Variants in TENM1 observed in about 807,000 individuals in gnomAD.
TENM1 encodes the protein teneurin-1.
In TENM1, 35 loss-of-function variants were observed where a neutral mutation model predicts 174.8. The ratio of observed to expected loss-of-function variants is 0.20; its 90% CI spans 0.15 to 0.27. The LOEUF is 0.27. Among genes scored for constraint, TENM1 ranks in the 10% least tolerant of loss-of-function variants. The probability of loss-of-function intolerance (pLI) is 1.00; values close to 1 mark genes in which losing one functional copy is unlikely to be tolerated. For synonymous variants in TENM1, 781 were observed against 798.7 expected (o/e 0.98, Z 0.37); for missense variants, 1,633 against 2,130.1 (o/e 0.77, Z 4.59).
At chrX:124,853,245 G>A (rs1038485683) in intron 3 of TENM1, among the ~76,000 whole-genome samples, 1 of 111,626 alleles carries the variant, frequency 9.0e-6, no homozygotes, top group African/African-American at 3.2e-5. Context: ...AGTATCTGAA[G>A]CTGTGATTTT....
chrX:124,749,178 T>C (rs2054005644), intron 3 of TENM1, among the ~76,000 whole-genome samples: 1 of 111,668 alleles, frequency 9.0e-6, no homozygotes, highest in African/African-American at 3.3e-5. Flanking sequence ...TCTTTTCCTC[T>C]TCCTCCAAGC....
intron 4 of TENM1, among the ~76,000 whole-genome samples, chrX:124,722,187 C>T (rs868682899): frequency 7.1e-5 from 8 of 112,116 alleles, no homozygotes; most frequent in Middle Eastern, 4.6e-3. Flanking sequence ...AGAAGAAATT[C>T]AATTTACTTA....
rs5958514 is a variant in TENM1 at position 124,543,661 on chromosome X, G to A, written c.2651+3213C>T. Among the ~76,000 whole-genome samples the A allele has an allele frequency of 9.4e-3, 1,050 of 112,161 alleles. 10 individuals carry two copies. Among genetic ancestry groups the A allele is most frequent in the African/African-American group, 0.032 (973 of 30,874 alleles). On this transcript the variant is annotated intron_variant, in intron 15 of 31. Transcript: ENST00000422452. ...AAAAGTAATAAGTCGTACAGGGCTCGTAGAATATGTGGTTTACTTTGCAGT... is the reference window on the plus strand; with the variant it reads ...AAAAGTAATAAGTCGTACAGGGCTCATAGAATATGTGGTTTACTTTGCAGT...
At chrX:124,383,304 G>C (rs2060181562) in intron 30 of TENM1, among the ~76,000 whole-genome samples, 1 of 111,488 alleles carries the variant, frequency 9.0e-6, no homozygotes, top group Admixed American at 9.6e-5. Context: ...ACAGGGTAGA[G>C]TGTTGATTTG....
At chrX:125,188,853 T>A in the TENM1 span, among the ~76,000 whole-genome samples, 1 of 112,210 alleles carries the variant, frequency 8.9e-6, no homozygotes, top group South Asian at 3.7e-4. Context: ...AAAGACGTAG[T>A]TCTGCTCAGA....
chrX:125,030,147 A>T, the TENM1 span, among the ~76,000 whole-genome samples: 1 of 112,101 alleles, frequency 8.9e-6, no homozygotes, highest in Non-Finnish European at 1.9e-5. Flanking sequence ...TAATGTTTTG[A>T]GAGTTCACAG....
chrX:124,885,749 C>CA (rs1333201781), intron 3 of TENM1, among the ~76,000 whole-genome samples: 4 of 110,566 alleles, frequency 3.6e-5, no homozygotes, highest in Non-Finnish European at 7.6e-5. Context: ...ACTTTTATAA[C>CA]AAAAAAACTA....
the TENM1 span, among the ~76,000 whole-genome samples, chrX:125,187,586 T>C: frequency 7.1e-5 from 8 of 112,057 alleles, no homozygotes; most frequent in South Asian, 3.0e-3. Context: ...TGTTAGATGT[T>C]AATGATCACT....
At chrX:124,722,832 T>C (rs1603069696) in intron 4 of TENM1, among the ~76,000 whole-genome samples, 1 of 66,928 alleles carries the variant, frequency 1.5e-5, no homozygotes, top group Admixed American at 2.2e-4. Flanking sequence ...AGAGAGAGAC[T>C]CCGTCTCAAA....
upstream of TENM1, among the ~76,000 whole-genome samples, chrX:124,967,912 G>C (rs2147832793): frequency 8.9e-6 from 1 of 111,901 alleles, no homozygotes; most frequent in East Asian, 2.8e-4. Flanking sequence ...GTGGCTGTGA[G>C]AGCTGAACTA....
At chrX:124,438,043 T>C (rs1231390073) in intron 23 of TENM1, among the ~76,000 whole-genome samples, 1 of 111,987 alleles carries the variant, frequency 8.9e-6, no homozygotes, top group Non-Finnish European at 1.9e-5. Context: ...GGTTTAAAGG[T>C]ACAGTGTAGT....
chrX:124,456,872 C>T (rs1312384897), intron 22 of TENM1, among the ~76,000 whole-genome samples: 1 of 111,976 alleles, frequency 8.9e-6, no homozygotes, highest in African/African-American at 3.3e-5. Flanking sequence ...CGGTCATGTT[C>T]ATTGATGTGT....
At chrX:124,605,079 AAGG>A in intron 11 of TENM1, among the ~76,000 whole-genome samples, 1 of 106,371 alleles carries the variant, frequency 9.4e-6, no homozygotes, top group Middle Eastern at 4.7e-3. Context: ...ACAGTGCTGC[AAGG>A]ACTACTGTGA....
At chrX:125,115,323 T>A in the TENM1 span, among the ~76,000 whole-genome samples, 8 of 111,616 alleles carry the variant, frequency 7.2e-5, no homozygotes, top group Non-Finnish European at 1.5e-4. Context: ...CTTTGAAAAC[T>A]GGCACAAGAC....
At chrX:124,395,634 CTGT>C (rs765798229) in intron 27 of TENM1, among the ~76,000 whole-genome samples, 15 of 111,566 alleles carry the variant, frequency 1.3e-4, no homozygotes, top group African/African-American at 4.6e-4. Flanking sequence ...ATACAGCCAC[CTGT>C]TGTTATGTGC....
At chrX:124,830,379 T>C (rs950992962) in intron 3 of TENM1, among the ~76,000 whole-genome samples, 26 of 111,787 alleles carry the variant, frequency 2.3e-4, no homozygotes, top group Admixed American at 7.6e-4. Flanking sequence ...GTACATAGTA[T>C]GGCTCTGGCA....
At chrX:125,125,679 C>T in the TENM1 span, among the ~76,000 whole-genome samples, 7 of 111,909 alleles carry the variant, frequency 6.3e-5, no homozygotes, top group Admixed American at 6.6e-4. Context: ...TAGTTATTTC[C>T]ATGTCTTAAA....
intron 11 of TENM1, among the ~76,000 whole-genome samples, chrX:124,624,401 T>C (rs1407322642): frequency 9.0e-6 from 1 of 111,678 alleles, no homozygotes; most frequent in Non-Finnish European, 1.9e-5. Context: ...ATATATCCAA[T>C]TTATGAATCA....
the TENM1 span, among the ~76,000 whole-genome samples, chrX:125,098,210 G>A: frequency 9.0e-6 from 1 of 111,599 alleles, no homozygotes; most frequent in Admixed American, 9.6e-5. Context: ...CTTGCAGTGA[G>A]CTGAGATAGT....
Sources: gnomAD v4.1 joint callset for allele counts (sites outside exome capture counted in the v4.1 genomes callset) on GRCh38, gnomAD v4.1.1 for gene constraint, MANE v1.5 for transcripts, NCBI Gene and HGNC (gene_info 2026-07-23, HGNC 2026-07-21) for gene names.